Variants in ARHGAP10 observed in about 807,000 individuals in gnomAD.
The protein encoded by ARHGAP10 is Rho GTPase activating protein 10.
A neutral mutation model predicts 108.6 loss-of-function variants in ARHGAP10; 87 were observed. The ratio of observed to expected loss-of-function variants is 0.80; its 90% CI spans 0.67 to 0.96. The LOEUF (loss-of-function observed/expected upper bound fraction) is 0.96, where lower values mean the gene tolerates loss of function less well. ARHGAP10 is among the 40% of genes least tolerant of loss of function. The pLI is 0.00. For missense variants in ARHGAP10, 939 were observed against 954.5 expected, an observed-to-expected ratio of 0.98 and a Z score of 0.21; for synonymous variants, 347 against 341.1, an observed-to-expected ratio of 1.02 and a Z score of -0.19.
chr4:147,787,365 A>G (rs115582546), intron 1 of ARHGAP10, among the ~76,000 whole-genome samples: 1 of 152,124 alleles, frequency 6.6e-6, no homozygotes, highest in East Asian at 1.9e-4. Context: ...TTTAGGAAAC[A>G]CATGAACACA....
chr4:147,955,492 G>T, intron 16 of ARHGAP10, 118 bp downstream of exon 16: 1 of 860,136 alleles, frequency 1.2e-6, no homozygotes, highest in South Asian at 1.7e-5. Flanking sequence ...AATAGAAATC[G>T]CTTTAAATGA....
At chr4:148,037,795 A>C (rs1366438591) in intron 19 of ARHGAP10, among the ~76,000 whole-genome samples, 1 of 151,570 alleles carries the variant, frequency 6.6e-6, no homozygotes, top group Non-Finnish European at 1.5e-5. Flanking sequence ...AGATCACGCC[A>C]CTGCTCTCCA....
intron 14 of ARHGAP10, among the ~76,000 whole-genome samples, chr4:147,942,030 G>A (rs763565701): frequency 6.6e-6 from 1 of 152,090 alleles, no homozygotes; most frequent in Admixed American, 6.6e-5. Flanking sequence ...AATCTTAGGG[G>A]CATTTTTTTC....
At chr4:147,983,738 T>G (rs1480252936) in intron 18 of ARHGAP10, among the ~76,000 whole-genome samples, 1 of 152,202 alleles carries the variant, frequency 6.6e-6, no homozygotes, top group Non-Finnish European at 1.5e-5. Flanking sequence ...ATTTCAATTT[T>G]CTCTTTGATC....
At chr4:148,009,162 T>C (rs916704625) in intron 18 of ARHGAP10, among the ~76,000 whole-genome samples, 3 of 151,900 alleles carry the variant, frequency 2.0e-5, no homozygotes, top group African/African-American at 7.3e-5. Flanking sequence ...GATGGAGTCT[T>C]GCTTTGTCGC....
chr4:147,864,703 T>A, intron 5 of ARHGAP10, 143 bp from the exon 6 acceptor site: 2 of 627,834 alleles, frequency 3.2e-6, no homozygotes, highest in Middle Eastern at 2.6e-4. Flanking sequence ...AAATGAATTG[T>A]CGTACCTGTG....
At chr4:147,823,817 C>T (rs1732599091) in intron 3 of ARHGAP10, among the ~76,000 whole-genome samples, 1 of 152,156 alleles carries the variant, frequency 6.6e-6, no homozygotes, top group Non-Finnish European at 1.5e-5. Context: ...GGGTGCTCTT[C>T]ATATGCAGTG....
chr4:147,909,008 A>T (rs527744651), intron 11 of ARHGAP10, among the ~76,000 whole-genome samples: 2 of 152,262 alleles, frequency 1.3e-5, no homozygotes, highest in African/African-American at 4.8e-5. Context: ...ACATGTTTAG[A>T]GCTCACTCCC....
chr4:148,046,793 A>T (rs1728905772), intron 19 of ARHGAP10, 99 bp from the exon 20 acceptor site: 2 of 1,201,542 alleles, frequency 1.7e-6, no homozygotes, highest in Non-Finnish European at 2.3e-6. Context: ...ATGTAATTTT[A>T]TCATTTGATT....
chr4:147,889,987 C>G (rs113248980), intron 10 of ARHGAP10, among the ~76,000 whole-genome samples: 2,391 of 152,296 alleles, frequency 0.016, 58 homozygotes, highest in African/African-American at 0.052. Context: ...GCATAGTTTA[C>G]TTTTATCAGT....
At chr4:147,957,578 C>T (rs1312405228) in intron 16 of ARHGAP10, among the ~76,000 whole-genome samples, 1 of 152,178 alleles carries the variant, frequency 6.6e-6, no homozygotes, top group African/African-American at 2.4e-5. Context: ...TAAGCATCAG[C>T]AGTCTTTGTT....
In ARHGAP10 at chr4:147,966,672, A is replaced by G. The variant is rs1263255362; in HGVS notation, c.1557-8A>G. On this transcript the variant is annotated splice_polypyrimidine_tract_variant and splice_region_variant and intron_variant, in intron 17 of 22. Transcript: ENST00000336498. ...TTAAACAGATTCCTCCCCCCTTACC[A>G]ATTTCAGTGTTTCAAATCACTCCAA... The G allele has an allele frequency of 3.9e-6, 6 of 1,552,190 alleles. No individual in the cohort carries two copies. Among genetic ancestry groups the G allele is most frequent in the African/African-American group, 2.7e-5 (2 of 73,532 alleles).
intron 10 of ARHGAP10, among the ~76,000 whole-genome samples, chr4:147,888,566 C>T (rs1326969919): frequency 6.6e-6 from 1 of 152,106 alleles, no homozygotes; most frequent in Non-Finnish European, 1.5e-5. Context: ...TTTTCTAAAG[C>T]TCCTTGGTTA....
rs1287781878 is a variant in ARHGAP10, at chr4:148,044,719, G to A, written c.1868-2173G>A. Reference sequence around the variant, plus strand: ...GGAGGCCAGCCCCTCGCGTCACTTGGGCTCTTTCACAGAAAAGAACTGGAC... The same window carrying A: ...GGAGGCCAGCCCCTCGCGTCACTTGAGCTCTTTCACAGAAAAGAACTGGAC... On this transcript the variant is annotated intron_variant, in intron 19 of 22. Coordinates refer to ENST00000336498, the MANE Select transcript of ARHGAP10 (RefSeq NM_024605.4). 4.6e-5 allele frequency among the ~76,000 whole-genome samples: 7 copies of A among 152,092 alleles called. No homozygotes were observed. In the South Asian group the frequency reaches 1.0e-3, roughly 23 times the overall value.
At chr4:147,745,626 G>A (rs961154514) in intron 1 of ARHGAP10, among the ~76,000 whole-genome samples, 65 of 152,220 alleles carry the variant, frequency 4.3e-4, no homozygotes, top group Middle Eastern at 6.8e-3. Flanking sequence ...CGAGTAGCTG[G>A]GACTACAGGC....
At chr4:148,016,136 A>G (rs137952196) in intron 18 of ARHGAP10, among the ~76,000 whole-genome samples, 2 of 152,234 alleles carry the variant, frequency 1.3e-5, no homozygotes, top group African/African-American at 4.8e-5. Flanking sequence ...ATTTGAGATC[A>G]TAGGAATATA....
chr4:147,816,446 A>C (rs1327488348), intron 1 of ARHGAP10, among the ~76,000 whole-genome samples: 1 of 152,192 alleles, frequency 6.6e-6, no homozygotes, highest in Non-Finnish European at 1.5e-5. Context: ...TTGTCACTTC[A>C]AGTCATTCAA....
chr4:147,769,804 G>C (rs1232345821), intron 1 of ARHGAP10, among the ~76,000 whole-genome samples: 2 of 152,106 alleles, frequency 1.3e-5, no homozygotes, highest in African/African-American at 4.8e-5. Context: ...GTTTTCTCCT[G>C]TACCCTGGTT....
chr4:147,882,489 T>C (rs1463332568), intron 10 of ARHGAP10, among the ~76,000 whole-genome samples: 2 of 149,750 alleles, frequency 1.3e-5, no homozygotes, highest in African/African-American at 2.4e-5. Context: ...GCCTTGGAGC[T>C]TTTCATTGTT....
Sources: allele counts gnomAD v4.1 joint callset (sites outside exome capture counted in the v4.1 genomes callset), GRCh38; gene constraint gnomAD v4.1.1; transcripts MANE v1.5; gene names NCBI Gene and HGNC (gene_info 2026-07-23, HGNC 2026-07-21).